NOS1AP: variants seen among roughly 807,000 people sequenced by gnomAD.
The protein encoded by NOS1AP is nitric oxide synthase 1 adaptor protein.
A neutral mutation model predicts 56.2 loss-of-function variants in NOS1AP; 21 were observed. The observed-to-expected ratio is 0.37, with a 90% confidence interval of 0.26 to 0.54. The LOEUF (loss-of-function observed/expected upper bound fraction) is 0.54, where lower values mean the gene tolerates loss of function less well. Among genes scored for constraint, NOS1AP ranks in the 20% least tolerant of loss-of-function variants. NOS1AP has a pLI of 0.84. For synonymous variants in NOS1AP, 270 were observed against 274.6 expected (o/e 0.98, Z 0.17); for missense variants, 522 against 657.8 (o/e 0.79, Z 2.26).
chr1:162,358,003 A>G (rs1043913267), intron 8 of NOS1AP, among the ~76,000 whole-genome samples: 19 of 152,312 alleles, frequency 1.2e-4, no homozygotes, highest in African/African-American at 4.6e-4. Context: ...TGATGAGTGC[A>G]TGAAGATCTT....
intron 1 of NOS1AP, among the ~76,000 whole-genome samples, chr1:162,148,926 G>A (rs1305237383): frequency 1.3e-5 from 2 of 152,164 alleles, no homozygotes. Flanking sequence ...TAGCTGTGAC[G>A]GGTAAGGGAG....
chr1:162,137,144 C>A (rs1408164160), intron 1 of NOS1AP, among the ~76,000 whole-genome samples: 1 of 152,142 alleles, frequency 6.6e-6, no homozygotes, highest in East Asian at 1.9e-4. Flanking sequence ...TTGATGGACC[C>A]CCCTGTCACA....
At chr1:162,333,215 T>C in intron 5 of NOS1AP, 90 bp downstream of exon 5, 1 of 854,226 alleles carries the variant, frequency 1.2e-6, no homozygotes. Flanking sequence ...TGAAGACAGC[T>C]GTGGTAATGC....
At chr1:162,214,964 T>G (rs530999166) in intron 2 of NOS1AP, among the ~76,000 whole-genome samples, 1 of 152,350 alleles carries the variant, frequency 6.6e-6, no homozygotes, top group East Asian at 1.9e-4. Flanking sequence ...CCTGCCAGGC[T>G]ACATCAGTGA....
intron 2 of NOS1AP, among the ~76,000 whole-genome samples, chr1:162,158,048 T>G (rs1202155798): frequency 1.3e-5 from 2 of 152,220 alleles, no homozygotes; most frequent in Non-Finnish European, 2.9e-5. Flanking sequence ...TATTTTTAAG[T>G]GTGAAGTTCA....
At chr1:162,079,105 C>G (rs1400995533) in intron 1 of NOS1AP, among the ~76,000 whole-genome samples, 1 of 152,206 alleles carries the variant, frequency 6.6e-6, no homozygotes, top group South Asian at 2.1e-4. Context: ...CACCATTTCT[C>G]TTGCTTTAGT....
At chr1:162,094,245 G>C (rs1374405464) in intron 1 of NOS1AP, among the ~76,000 whole-genome samples, 1 of 152,172 alleles carries the variant, frequency 6.6e-6, no homozygotes, top group Admixed American at 6.5e-5. Flanking sequence ...TGCTGGAGTG[G>C]TCTTCATGGC....
intron 2 of NOS1AP, among the ~76,000 whole-genome samples, chr1:162,279,433 C>T (rs1349838133): frequency 6.6e-6 from 1 of 152,174 alleles, no homozygotes; most frequent in Non-Finnish European, 1.5e-5. Flanking sequence ...TGCTGGTCTC[C>T]TGACACTGTG....
intron 2 of NOS1AP, among the ~76,000 whole-genome samples, chr1:162,200,529 C>A (rs1389169501): frequency 2.0e-5 from 3 of 152,116 alleles, no homozygotes; most frequent in African/African-American, 7.2e-5. Flanking sequence ...CATTAGGGAG[C>A]GGAGAGGATT....
intron 2 of NOS1AP, among the ~76,000 whole-genome samples, chr1:162,271,691 C>T (rs544408012): frequency 1.3e-5 from 2 of 152,194 alleles, no homozygotes; most frequent in African/African-American, 4.8e-5. Flanking sequence ...TTTCCTATAA[C>T]AACTCTTATC....
intron 1 of NOS1AP, 66 bp downstream of exon 1, chr1:162,070,348 G>C: frequency 7.4e-7 from 1 of 1,348,458 alleles, no homozygotes; most frequent in Non-Finnish European, 1.1e-6. Context: ...GAGCGGATGG[G>C]ATGCACAGCC....
intron 3 of NOS1AP, among the ~76,000 whole-genome samples, chr1:162,289,507 C>CTCTG (rs1213226758): frequency 4.1e-5 from 5 of 122,884 alleles, no homozygotes; most frequent in African/African-American, 1.6e-4. Context: ...CGGAGTCTCG[C>CTCTG]TCTGTCGCCC....
chr1:162,096,110 G>C (rs979988914), intron 1 of NOS1AP, among the ~76,000 whole-genome samples: 1 of 152,118 alleles, frequency 6.6e-6, no homozygotes, highest in Non-Finnish European at 1.5e-5. Context: ...TGCAGTAAAT[G>C]CTTTTCAAAT....
chr1:162,350,077 A>G (rs542865430), intron 6 of NOS1AP, among the ~76,000 whole-genome samples: 1 of 152,284 alleles, frequency 6.6e-6, no homozygotes, highest in East Asian at 1.9e-4. Context: ...CTAATGGCAC[A>G]CCTTGAGCGC....
intron 5 of NOS1AP, among the ~76,000 whole-genome samples, chr1:162,336,823 C>A (rs754617397): frequency 4.6e-5 from 7 of 152,114 alleles, no homozygotes; most frequent in African/African-American, 1.4e-4. Flanking sequence ...TGTGAAGTGA[C>A]GTCATCTTTA....
At chr1:162,163,587 T>C (rs1272880994) in intron 2 of NOS1AP, among the ~76,000 whole-genome samples, 1 of 152,094 alleles carries the variant, frequency 6.6e-6, no homozygotes, top group Non-Finnish European at 1.5e-5. Flanking sequence ...CACTTGAGTC[T>C]CTAGAGATGT....
intron 2 of NOS1AP, among the ~76,000 whole-genome samples, chr1:162,175,149 T>TG (rs1486452389): frequency 6.6e-6 from 1 of 150,660 alleles, no homozygotes; most frequent in Non-Finnish European, 1.5e-5. Context: ...AAGTACTTTT[T>TG]GGGGAAAAAA....
At chr1:162,347,020 C>A (rs575175738) in intron 6 of NOS1AP, among the ~76,000 whole-genome samples, 1 of 152,056 alleles carries the variant, frequency 6.6e-6, no homozygotes, top group African/African-American at 2.4e-5. Context: ...TAGACTTTGG[C>A]GAATATTTTA....
intron 2 of NOS1AP, among the ~76,000 whole-genome samples, chr1:162,220,845 C>G (rs1419977549): frequency 6.6e-6 from 1 of 152,128 alleles, no homozygotes; most frequent in Non-Finnish European, 1.5e-5. Context: ...ATATGATCTA[C>G]CATATAAATA....
Sources: gnomAD v4.1 joint callset for allele counts (sites outside exome capture counted in the v4.1 genomes callset) on GRCh38, gnomAD v4.1.1 for gene constraint, MANE v1.5 for transcripts, NCBI Gene and HGNC (gene_info 2026-07-23, HGNC 2026-07-21) for gene names.